PTAR1: variants seen among roughly 807,000 people sequenced by gnomAD.
PTAR1 encodes protein prenyltransferase alpha subunit repeat-containing protein 1.
A neutral mutation model predicts 45.5 loss-of-function variants in PTAR1; 17 were observed. The observed-to-expected ratio is 0.37, with a 90% CI of 0.26 to 0.56. The LOEUF is 0.56. Ranked by LOEUF, PTAR1 falls within the 20% of genes least tolerant of loss-of-function variation. The pLI is 0.77. For synonymous variants in PTAR1, 169 were observed against 171.3 expected (o/e 0.99, Z 0.11); for missense variants, 391 against 476.3 (o/e 0.82, Z 1.67).
chr9:69,719,858 G>C (rs1824905985), intron 6 of PTAR1, among the ~76,000 whole-genome samples: 2 of 152,010 alleles, frequency 1.3e-5, no homozygotes, highest in South Asian at 4.2e-4. Flanking sequence ...AGCGATCTTT[G>C]ATGTTACTAC....
rs1290500837 is a variant in PTAR1 at position 69,710,180 on chromosome 9, GACT to G, written c.*8159_*8161del. The G allele has an allele frequency of 2.6e-5, 4 of 152,064 alleles. No individual in the cohort carries two copies. The highest frequency in any genetic ancestry group is 5.9e-5 in the Non-Finnish European group (4 of 68,000). The allele number at this position is 152,064 out of a possible 1,614,324, so 9.4% of individuals were successfully genotyped here. ...AGTATAGTAGCCCTTAGCCATATGT[GACT>G]ACTGAGCACTTAAAATGTGGCCAGT... On this transcript the variant is annotated 3_prime_UTR_variant, in exon 8 of 8. Coordinates refer to ENST00000340434, the MANE Select transcript of PTAR1 (RefSeq NM_001099666.2).
intron 2 of PTAR1, among the ~76,000 whole-genome samples, chr9:69,747,937 C>A (rs1826346919): frequency 6.6e-6 from 1 of 152,062 alleles, no homozygotes; most frequent in South Asian, 2.1e-4. Flanking sequence ...TCTACGTTGA[C>A]CCTGTGGGTA....
intron 2 of PTAR1, among the ~76,000 whole-genome samples, chr9:69,744,814 T>C (rs1280431178): frequency 6.6e-6 from 1 of 152,216 alleles, no homozygotes; most frequent in South Asian, 2.1e-4. Flanking sequence ...CAACAAATTT[T>C]GTAAGCATCT....
intron 1 of PTAR1, among the ~76,000 whole-genome samples, chr9:69,756,423 T>C (rs1431811042): frequency 2.0e-4 from 30 of 152,214 alleles, no homozygotes; most frequent in Non-Finnish European, 4.4e-5. Context: ...ATAGGGACCA[T>C]GTGTGGTTTG....
intron 2 of PTAR1, among the ~76,000 whole-genome samples, chr9:69,743,167 T>A (rs938582023): frequency 2.0e-5 from 3 of 152,174 alleles, no homozygotes; most frequent in African/African-American, 7.2e-5. Context: ...ATTCTCATAA[T>A]CACAATCCAA....
intron 1 of PTAR1, 107 bp downstream of exon 1, chr9:69,759,746 T>C (rs1195220870): frequency 1.4e-5 from 16 of 1,129,218 alleles, no homozygotes; most frequent in Non-Finnish European, 1.2e-6. Flanking sequence ...GAAGGGCTCG[T>C]GGGCCAGGAC....
At chr9:69,746,836 G>C (rs1166091619) in intron 2 of PTAR1, among the ~76,000 whole-genome samples, 3 of 152,188 alleles carry the variant, frequency 2.0e-5, no homozygotes, top group Non-Finnish European at 4.4e-5. Context: ...TCTAGAAATG[G>C]CCCAAGGCCA....
Position 69,750,894 on chromosome 9 carries a change from A to T in PTAR1, c.143T>A (p.Val48Asp). The change falls in exon 2 of 8, where the codon GTC (valine) becomes GAC (aspartate). Residue 48 changes from valine (V) to aspartate (D), a missense_variant. By Grantham distance (152) the Val-to-Asp change is radical. Coordinates refer to ENST00000340434, the MANE Select transcript of PTAR1 (RefSeq NM_001099666.2). ...PEARYNRSPI[V>D]LVENKLGVES... ...CACACCCAGTTTGTTTTCAACCAGG[A>T]CTATGGGACTCCGGTTATACCTAGC... 1 of 1,609,958 alleles carries T rather than the reference A, an allele frequency of 6.2e-7. No individual in the cohort carries two copies. The highest frequency in any genetic ancestry group is 8.5e-7 in the Non-Finnish European group (1 of 1,177,728).
In PTAR1 at chr9:69,717,304, G is replaced by A. The variant is rs1196815907; in HGVS notation, c.*1038C>T. The A allele has an allele frequency of 6.6e-6, 1 of 151,996 alleles. No individual in the cohort carries two copies. Among genetic ancestry groups the A allele is most frequent in the African/African-American group, 2.4e-5 (1 of 41,368 alleles). 9.4% of individuals were successfully genotyped at this position (151,996 alleles called of 1,614,324 possible). A position where few individuals can be genotyped will look rare whatever the true frequency, so the allele number is the denominator to read the frequency against. Reference sequence around the variant, plus strand: ...TATATTTCTCCCATTTGTCATAAGTGAATTTGAAATTAAAAAGTAGTAATA... The same window carrying A: ...TATATTTCTCCCATTTGTCATAAGTAAATTTGAAATTAAAAAGTAGTAATA... On this transcript the variant is annotated 3_prime_UTR_variant, in exon 8 of 8. Transcript: ENST00000340434.
rs1825967650 is a variant in PTAR1 at position 69,739,924 on chromosome 9, T to C, written c.323+1868A>G. 2.0e-5 allele frequency among the ~76,000 whole-genome samples: 3 copies of C among 152,176 alleles called. No individual in the cohort carries two copies. The South Asian group carries it at 6.2e-4, about 31-fold the overall frequency. ...TGTCATAAACATCCCTCAAGTTAGA[T>C]TTATGGAGCAACTTCCCTTCATAAG... On this transcript the variant is annotated intron_variant, in intron 3 of 7. Coordinates refer to ENST00000340434, the MANE Select transcript of PTAR1 (RefSeq NM_001099666.2).
Position 69,737,640 on chromosome 9 carries a change from C to T in PTAR1, c.324-3386G>A, listed in dbSNP as rs564614894. 6.6e-5 allele frequency among the ~76,000 whole-genome samples: 10 copies of T among 152,256 alleles called. No homozygotes were observed. In the East Asian group the frequency reaches 1.3e-3, roughly 21 times the overall value. ...TCTTTTTCTTTTCTCAATCTTTACT[C>T]TGTCTGAAATGACAATAATAATGGC... On this transcript the variant is annotated intron_variant, in intron 3 of 7. Transcript: ENST00000340434.
intron 1 of PTAR1, among the ~76,000 whole-genome samples, chr9:69,759,280 CTT>C (rs1361165671): frequency 8.9e-6 from 1 of 112,880 alleles, no homozygotes; most frequent in Non-Finnish European, 1.9e-5. Flanking sequence ...AGAAGCTTCT[CTT>C]GAGAATGTTC....
At chr9:69,753,946 G>C (rs1356354905) in intron 1 of PTAR1, among the ~76,000 whole-genome samples, 1 of 152,152 alleles carries the variant, frequency 6.6e-6, no homozygotes, top group East Asian at 1.9e-4. Context: ...TGAAGTGCTA[G>C]ACAAAGATCC....
chr9:69,725,707 T>G (rs987961514), intron 5 of PTAR1, among the ~76,000 whole-genome samples: 1 of 151,968 alleles, frequency 6.6e-6, no homozygotes, highest in Non-Finnish European at 1.5e-5. Flanking sequence ...AAGATGCATA[T>G]TAGAAACTTT....
intron 3 of PTAR1, among the ~76,000 whole-genome samples, chr9:69,737,785 A>G (rs1252507734): frequency 1.3e-5 from 2 of 152,216 alleles, no homozygotes; most frequent in Non-Finnish European, 2.9e-5. Context: ...ATCATCATTG[A>G]GCCATATGAA....
chr9:69,735,804 T>TC (rs1825760997), intron 3 of PTAR1, among the ~76,000 whole-genome samples: 1 of 152,068 alleles, frequency 6.6e-6, no homozygotes, highest in South Asian at 2.1e-4. Context: ...TTATACCATA[T>TC]CTACTTAGAC....
At chr9:69,757,230 T>C (rs1398718429) in intron 1 of PTAR1, 2 of 152,180 alleles carry the variant, frequency 1.3e-5, no homozygotes, top group East Asian at 1.9e-4. Flanking sequence ...TAGCACAGGG[T>C]CCATACACTA....
Position 69,716,115 on chromosome 9 carries a change from C to T in PTAR1, c.*2227G>A, listed in dbSNP as rs2134065498. The T allele has an allele frequency of 6.6e-6, 1 of 152,142 alleles. No homozygotes were observed. The highest frequency in any genetic ancestry group is 2.1e-4 in the South Asian group (1 of 4,824). The allele number at this position is 152,142 out of a possible 1,614,324, so 9.4% of individuals were successfully genotyped here. ...CTCATTTCCTGACATTTTTTCACAT[C>T]AAAGCATAAGCCCTATTACTCAAAA... On this transcript the variant is annotated 3_prime_UTR_variant, in exon 8 of 8. Coordinates refer to ENST00000340434, the MANE Select transcript of PTAR1 (RefSeq NM_001099666.2).
chr9:69,723,559 G>C lies in PTAR1; in HGVS notation c.714C>G (p.His238Gln). 6.2e-7 allele frequency: 1 copy of C among 1,613,800 alleles called. No homozygotes were observed. Among genetic ancestry groups the C allele is most frequent in the African/African-American group, 1.3e-5 (1 of 75,048 alleles). Reference sequence around the variant, plus strand: ...AAGACTTAAGCAAAAACTGGCGGTAGTGAAATCCACTGTGGTCTGAAACGT... The same window carrying C: ...AAGACTTAAGCAAAAACTGGCGGTACTGAAATCCACTGTGGTCTGAAACGT... Reference protein sequence around the residue: ...SMHVSDHSGFHYRQFLLKSLI... With the variant: ...SMHVSDHSGFQYRQFLLKSLI... The change falls in exon 6 of 8, where the codon CAC (histidine) becomes CAG (glutamine). Residue 238 changes from histidine to glutamine, a missense_variant. Around this residue, in one of 5 missense-constraint regions of PTAR1, gnomAD observed 181 missense variants for 227.7 expected, o/e 0.80. Transcript: ENST00000340434.
Sources: gnomAD v4.1 joint callset for allele counts (sites outside exome capture counted in the v4.1 genomes callset) on GRCh38, gnomAD v4.1.1 for gene constraint, gnomAD v4.1.1 regional missense constraint, MANE v1.5 for transcripts, NCBI Gene and HGNC (gene_info 2026-07-23, HGNC 2026-07-21) for gene names.